Variants in TRMT2A observed in about 807,000 individuals in gnomAD.
The protein encoded by TRMT2A is tRNA methyltransferase 2A.
A neutral mutation model predicts 59.3 loss-of-function variants in TRMT2A; 60 were observed. The observed-to-expected ratio is 1.01, with a 90% CI of 0.82 to 1.26. The LOEUF is 1.26. Ranked by LOEUF, TRMT2A falls within the 50% of genes most tolerant of loss-of-function variation. The probability of loss-of-function intolerance (pLI) is 0.00; values close to 1 mark genes in which losing one functional copy is unlikely to be tolerated. For synonymous variants in TRMT2A, 403 were observed against 353.7 expected (o/e 1.14, Z -1.56); for missense variants, 863 against 845.2 (o/e 1.02, Z -0.26).
At position 20,116,030 on chromosome 22, in the gene TRMT2A, A is replaced by C; in HGVS notation, c.599+8T>G. 6.5e-7 allele frequency: 1 copy of C among 1,547,150 alleles called. No individual in the cohort carries two copies. The highest frequency in any genetic ancestry group is 8.7e-7 in the Non-Finnish European group (1 of 1,143,922). ...TGGCCAAGAGGGGCGTCTTGCGCCC[A>C]CACTCACTTGGCAAGTTTCTGCAGC... On this transcript the variant is annotated splice_region_variant and intron_variant, in intron 2 of 11. Transcript: ENST00000252136.
rs1368181945 is a variant in TRMT2A, at chr22:20,114,611, C to T, written c.1196G>A (p.Gly399Glu). The change falls in exon 7 of 12, where the codon GGG becomes GAG. Residue 399 changes from glycine to glutamate, a missense_variant. Physicochemically the swap from Gly to Glu is moderately conservative, Grantham distance 98. Transcript: ENST00000252136. ...GTGTGGAGAGATCCGGAAGGTCAGC[C>T]CTAGCAGGTCCTCGTGGATGCACCG... ...GDRCIHEDLL[G>E]LTFRISPHAF... is the part of the protein sequence containing the mutation. The T allele has an allele frequency of 1.2e-6, 2 of 1,613,658 alleles. No individual in the cohort carries two copies. The highest frequency in any genetic ancestry group is 8.5e-7 in the Non-Finnish European group (1 of 1,180,028).
rs780252503 is a variant in TRMT2A at position 20,113,496 on chromosome 22, C to A, written c.1368G>T (p.Arg456Ser). The A allele has an allele frequency of 6.2e-7, 1 of 1,613,540 alleles. No individual in the cohort carries two copies. Residue 456 changes from arginine (R) to serine (S), a missense_variant, in exon 9 of 12, where the codon AGG (arginine) becomes AGT (serine). Physicochemically the swap from Arg to Ser is moderately radical, Grantham distance 110. Coordinates refer to ENST00000252136, the MANE Select transcript of TRMT2A (RefSeq NM_022727.6). ...CTGGGCATAGCTCGACCCCAATGAC[C>A]CTCTTTACCTTCTGAAACAGGAAAG... ...IGLALARKVK[R>S]VIGVELCPEA... is the part of the protein sequence containing the mutation.
chr22:20,113,652 G>A (rs372690022), intron 8 of TRMT2A, 34 bp downstream of exon 8: 4 of 1,590,394 alleles, frequency 2.5e-6, no homozygotes, highest in South Asian at 2.3e-5. Context: ...TTGGGGTGGG[G>A]AGAGGGTGCC....
At chr22:20,115,961 C>T in intron 2 of TRMT2A, 77 bp downstream of exon 2, 2 of 1,491,348 alleles carry the variant, frequency 1.3e-6, no homozygotes, top group Non-Finnish European at 1.8e-6. Context: ...GGCCTCCCAA[C>T]TGGTGCATGG....
In TRMT2A at chr22:20,114,768, C is replaced by T. The variant is rs1440076135; in HGVS notation, c.1114G>A (p.Gly372Arg). ...CCCACTCGGGCTCCTTACCGCTGTC[C>T]CTCCTCCACGAAGTAGAGGCAGGTC... Reference protein sequence around the residue: ...GVTCLYFVEEGQRKTPSQEGL... With the variant: ...GVTCLYFVEERQRKTPSQEGL... The change falls in exon 6 of 12, where the codon GGA becomes AGA. Residue 372 changes from glycine (G) to arginine (R), a missense_variant. Gly to Arg is a moderately radical substitution (Grantham distance 125). Coordinates refer to ENST00000252136, the MANE Select transcript of TRMT2A (RefSeq NM_022727.6). 1.9e-6 allele frequency: 3 copies of T among 1,612,074 alleles called. No individual in the cohort carries two copies. The highest frequency in any genetic ancestry group is 1.3e-5 in the African/African-American group (1 of 74,934).
chr22:20,114,780 A>T lies in TRMT2A; in HGVS notation c.1102T>A (p.Phe368Ile). 1 of 1,611,874 alleles carries T rather than the reference A, an allele frequency of 6.2e-7. No homozygotes were observed. The highest frequency in any genetic ancestry group is 8.5e-7 in the Non-Finnish European group (1 of 1,179,674). Reference sequence around the variant, plus strand: ...CCTTACCGCTGTCCCTCCTCCACGAAGTAGAGGCAGGTCACTCCACTGGCC... The same window carrying T: ...CCTTACCGCTGTCCCTCCTCCACGATGTAGAGGCAGGTCACTCCACTGGCC... ...GRASGVTCLY[F>I]VEEGQRKTPS... Residue 368 changes from phenylalanine to isoleucine, a missense_variant, in exon 6 of 12, where the codon TTC (phenylalanine) becomes ATC (isoleucine). By Grantham distance (21) the Phe-to-Ile change is conservative. Transcript: ENST00000252136.
rs200053743 is a variant in TRMT2A at position 20,112,963 on chromosome 22, G to A, written c.1594C>T (p.Arg532Trp). 27 of 1,613,808 alleles carry A rather than the reference G, an allele frequency of 1.7e-5. No individual in the cohort carries two copies. The highest frequency in any genetic ancestry group is 1.1e-4 in the South Asian group (10 of 91,090). ...GGGTTGCATGAGACGTACAGCAGCC[G>A]CCTGAGGTTCTTAGCTCTCCGGATG... ...LAIRRAKNLR[R>W]LLYVSCNPRA... Residue 532 changes from arginine (R) to tryptophan (W), a missense_variant, in exon 11 of 12, where the codon CGG becomes TGG. Physicochemically the swap from Arg to Trp is moderately radical, Grantham distance 101. Transcript: ENST00000252136.
In TRMT2A at chr22:20,116,424, C is replaced by T. The variant is rs2050021331; in HGVS notation, c.213G>A (p.Glu71=). ...SYIRDDLFTS[E]IFKLELQNVP... ...CGTTCTGCAGCTCCAGTTTAAAGAT[C>T]TCAGAGGTAAACAAGTCATCCCTGA... Residue 71 remains glutamate (E), a synonymous_variant, in exon 2 of 12, where the codon GAG becomes GAA. Transcript: ENST00000252136. The T allele has an allele frequency of 6.2e-7, 1 of 1,612,426 alleles. No homozygotes were observed. Among genetic ancestry groups the T allele is most frequent in the Non-Finnish European group, 8.5e-7 (1 of 1,179,524 alleles).
rs146636296 is a variant in TRMT2A at position 20,114,487 on chromosome 22, G to A, written c.1233+87C>T. ...CCTGGATACTCCCCCAAATCTCACC[G>A]CCTGAGCCCACTGTTCCCATCACGT... On this transcript the variant is annotated intron_variant, in intron 7 of 11. Coordinates refer to ENST00000252136, the MANE Select transcript of TRMT2A (RefSeq NM_022727.6). 321 of 1,122,738 alleles carry A rather than the reference G, an allele frequency of 2.9e-4. 1 individual carries two copies. The African/African-American group carries it at 3.2e-3, about 11-fold the overall frequency. 69.5% of individuals were successfully genotyped at this position (1,122,738 alleles called of 1,614,324 possible).
At position 20,114,844 on chromosome 22, in the gene TRMT2A, C is replaced by G; in HGVS notation, c.1038G>C (p.Lys346Asn). The G allele has an allele frequency of 6.2e-7, 1 of 1,604,350 alleles. No individual in the cohort carries two copies. Among genetic ancestry groups the G allele is most frequent in the Non-Finnish European group, 8.5e-7 (1 of 1,176,848 alleles). ...KLSPEELAELKTSLAQHFTAG... is the reference protein window; with the variant it reads ...KLSPEELAELNTSLAQHFTAG... ...CTGTGAAGTGCTGCGCTAGGGAGGT[C>G]TTCAGCTCTGCCAGCTCCTCAGGGC... The change falls in exon 6 of 12, where the codon AAG (lysine) becomes AAC (asparagine). Residue 346 changes from lysine to asparagine, a missense_variant. By Grantham distance (94) the Lys-to-Asn change is moderately conservative. Coordinates refer to ENST00000252136, the MANE Select transcript of TRMT2A (RefSeq NM_022727.6).
intron 8 of TRMT2A, 53 bp downstream of exon 8, chr22:20,113,633 A>T: frequency 6.3e-7 from 1 of 1,594,346 alleles, no homozygotes; most frequent in Non-Finnish European, 8.6e-7. Flanking sequence ...GCTGGGGTCA[A>T]TGGGGGTCTT....
chr22:20,115,565 T>C, intron 3 of TRMT2A, 107 bp downstream of exon 3: 1 of 1,563,440 alleles, frequency 6.4e-7, no homozygotes, highest in Non-Finnish European at 8.8e-7. Context: ...CTATGTGATG[T>C]TACCAGAAGA....
intron 4 of TRMT2A, 83 bp from the exon 5 acceptor site, chr22:20,115,162 A>G (rs1602516956): frequency 1.3e-6 from 2 of 1,567,724 alleles, no homozygotes; most frequent in East Asian, 4.6e-5. Context: ...ACCTTCCTTC[A>G]TCTGGCTGAA....
At chr22:20,113,399 A>AAACC in intron 9 of TRMT2A, 33 bp downstream of exon 9, 9 of 713,622 alleles carry the variant, frequency 1.3e-5, no homozygotes, top group African/African-American at 1.8e-5. Context: ...GGCTGCCCCC[A>AAACC]TCCCCACCCC....
At chr22:20,113,399 A>AGCCCCCCCCC in intron 9 of TRMT2A, 33 bp downstream of exon 9, 10 of 713,616 alleles carry the variant, frequency 1.4e-5, no homozygotes, top group Non-Finnish European at 2.1e-5. Flanking sequence ...GGCTGCCCCC[A>AGCCCCCCCCC]TCCCCACCCC....
Position 20,112,768 on chromosome 22 carries a change from AC to A in TRMT2A, c.1672del (p.Val558Ter). On this transcript the variant is annotated frameshift_variant, in exon 12 of 12. Transcript: ENST00000252136. LOFTEE classifies it low-confidence loss of function (END_TRUNC). Reference sequence around the variant, plus strand: ...GACCGGCCGGAAGGGAATGCCCTTCACCCGGTTAGATGGGGCTCTGCAGAGG... The same window carrying A: ...GACCGGCCGGAAGGGAATGCCCTTCACCGGTTAGATGGGGCTCTGCAGAGG... ...VDLCRAPSNR[V>X]KGIPFRPVKA... 1 of 1,613,412 alleles carries A rather than the reference AC, an allele frequency of 6.2e-7. No individual in the cohort carries two copies. The highest frequency in any genetic ancestry group is 1.1e-5 in the South Asian group (1 of 91,074).
In TRMT2A at chr22:20,116,364, G is replaced by A. The variant is rs776513035; in HGVS notation, c.273C>T (p.Arg91=). 8.1e-6 allele frequency: 13 copies of A among 1,612,654 alleles called. No homozygotes were observed. The Admixed American group carries it at 2.2e-4, about 27-fold the overall frequency. Residue 91 remains arginine, a synonymous_variant, in exon 2 of 12, where the codon CGC becomes CGT. Coordinates refer to ENST00000252136, the MANE Select transcript of TRMT2A (RefSeq NM_022727.6). ...PRHASFSDVR[R]FLGRFGLQPH... ...GCTGCAGACCAAAGCGGCCCAGGAA[G>A]CGCCGGACGTCGCTGAAGCTGGCGT...
chr22:20,114,661 C>T lies in TRMT2A; in HGVS notation c.1146G>A (p.Leu382=), dbSNP rs1383558768. Residue 382 remains leucine, a synonymous_variant, in exon 7 of 12, where the codon CTG becomes CTA. Transcript: ENST00000252136. ...GQRKTPSQEG[L]PLEHVAGDRC... is the part of the protein sequence containing the mutation. ...GGTCCCCAGCCACATGCTCCAGGGGCAGGCCCTCCTGGCTAGGAGTCTTTC... is the reference window on the plus strand; with the variant it reads ...GGTCCCCAGCCACATGCTCCAGGGGTAGGCCCTCCTGGCTAGGAGTCTTTC... 1.2e-6 allele frequency: 2 copies of T among 1,613,748 alleles called. No homozygotes were observed. The highest frequency in any genetic ancestry group is 1.7e-5 in the Admixed American group (1 of 60,032).
intron 9 of TRMT2A, 31 bp downstream of exon 9, chr22:20,113,401 C>CCCCCCCCCCCCCCCCCGCCGTGG: frequency 2.2e-6 from 2 of 893,472 alleles, no homozygotes; most frequent in Non-Finnish European, 3.6e-6. Context: ...CTGCCCCCAT[C>CCCCCCCCCCCCCCCCCGCCGTGG]CCCACCCCCA....
Sources: allele counts gnomAD v4.1 joint callset, GRCh38; gene constraint gnomAD v4.1.1; transcripts MANE v1.5; gene names NCBI Gene and HGNC (gene_info 2026-07-23, HGNC 2026-07-21).